The following SULT1C3 variants were observed in gnomAD, a reference collection of about 807,000 sequenced individuals.
SULT1C3 encodes sulfotransferase family 1C member 3, also known as sulfotransferase 1C3.
In SULT1C3, 31 loss-of-function variants were observed where a neutral mutation model predicts 28.4. The observed-to-expected ratio is 1.09, with a 90% confidence interval of 0.82 to 1.47. The LOEUF (loss-of-function observed/expected upper bound fraction) is 1.47, where lower values mean the gene tolerates loss of function less well. Ranked by LOEUF, SULT1C3 falls within the 40% of genes most tolerant of loss-of-function variation. The pLI, the probability that SULT1C3 is intolerant of heterozygous loss-of-function variation, is 0.00. For synonymous variants in SULT1C3, 106 were observed against 92.2 expected (o/e 1.15, Z -0.86); for missense variants, 307 against 272.5 (o/e 1.13, Z -0.89).
rs1197436192 is a variant in SULT1C3, at chr2:108,252,396, G to C, written c.204G>C (p.Met68Ile). 1.2e-6 allele frequency: 2 copies of C among 1,610,754 alleles called. No homozygotes were observed. Among genetic ancestry groups the C allele is most frequent in the Non-Finnish European group, 1.7e-6 (2 of 1,178,102 alleles). Residue 68 changes from methionine to isoleucine, a missense_variant, in exon 3 of 8, where the codon ATG becomes ATC. Met to Ile is a conservative substitution (Grantham distance 10). Coordinates refer to ENST00000681802, the MANE Select transcript of SULT1C3 (RefSeq NM_001320878.2). ...CATGGATGCATGAAATTTTAGACAT[G>C]ATTCTAAATGATGGTGATGTGGAGA... Reference protein sequence around the residue: ...GTTWMHEILDMILNDGDVEKC... With the variant: ...GTTWMHEILDIILNDGDVEKC...
chr2:108,241,926 CA>C lies in SULT1C3; in HGVS notation c.-8+1862del, dbSNP rs201006604. 6.9e-3 allele frequency among the ~76,000 whole-genome samples: 701 copies of C among 101,036 alleles called. 4 individuals carry two copies. Among genetic ancestry groups the C allele is most frequent in the South Asian group, 0.036 (106 of 2,932 alleles). 66.3% of individuals were successfully genotyped at this position (101,036 alleles called of 152,430 possible). On this transcript the variant is annotated intron_variant, in intron 1 of 7. Coordinates refer to ENST00000681802, the MANE Select transcript of SULT1C3 (RefSeq NM_001320878.2). Reference sequence around the variant, plus strand: ...TGGGTGACAAAGTGAGACTCCATCTCAAAAAAAAAAAAAAAAAAATCACTGG... The same window carrying C: ...TGGGTGACAAAGTGAGACTCCATCTCAAAAAAAAAAAAAAAAAATCACTGG...
intron 1 of SULT1C3, among the ~76,000 whole-genome samples, chr2:108,245,473 C>T (rs1675556111): frequency 6.6e-6 from 1 of 152,124 alleles, no homozygotes; most frequent in Non-Finnish European, 1.5e-5. Flanking sequence ...AATCCCTTTA[C>T]TAATTAAGCA....
intron 1 of SULT1C3, among the ~76,000 whole-genome samples, chr2:108,242,639 A>T (rs78137625): frequency 6.6e-6 from 1 of 152,360 alleles, no homozygotes; most frequent in East Asian, 1.9e-4. Flanking sequence ...AGTAATGTGA[A>T]ACCCCCAAAA....
chr2:108,262,011 G>T (rs1345174287), downstream of SULT1C3, among the ~76,000 whole-genome samples: 1 of 152,120 alleles, frequency 6.6e-6, no homozygotes, highest in African/African-American at 2.4e-5. Flanking sequence ...GGACCCTGGG[G>T]TGAAAGTTCC....
chr2:108,243,354 G>A (rs541022359), intron 1 of SULT1C3, among the ~76,000 whole-genome samples: 6 of 152,242 alleles, frequency 3.9e-5, no homozygotes, highest in Admixed American at 6.5e-5. Context: ...TTCCAGGGCC[G>A]GGCGCGGTGG....
At position 108,253,456 on chromosome 2, in the gene SULT1C3, G is replaced by A. The variant is rs1197408969; in HGVS notation, c.399+14G>A. ...GAAAACTGCAAGGTATAAAGAGGGG[G>A]CTTTTCAAACTTCTCTTAGCTTGGT... On this transcript the variant is annotated intron_variant, in intron 4 of 7. Transcript: ENST00000681802. 2 of 1,408,776 alleles carry A rather than the reference G, an allele frequency of 1.4e-6. No individual in the cohort carries two copies. Among genetic ancestry groups the A allele is most frequent in the Non-Finnish European group, 9.5e-7 (1 of 1,053,104 alleles). The allele number at this position is 1,408,776 out of a possible 1,614,324, so 87.3% of individuals were successfully genotyped here. A position where few individuals can be genotyped will look rare whatever the true frequency, so the allele number is the denominator to read the frequency against.
downstream of SULT1C3, among the ~76,000 whole-genome samples, chr2:108,263,265 G>A (rs1169188912): frequency 6.6e-6 from 1 of 152,092 alleles, no homozygotes; most frequent in Non-Finnish European, 1.5e-5. Flanking sequence ...ATTTTGTCAT[G>A]TTGTAAGGCC....
intron 2 of SULT1C3, among the ~76,000 whole-genome samples, chr2:108,248,714 T>C (rs1675653765): frequency 6.6e-6 from 1 of 152,160 alleles, no homozygotes. Flanking sequence ...TGAGAGACTT[T>C]TGTGCTCCAA....
intron 4 of SULT1C3, 82 bp downstream of exon 4, chr2:108,253,524 C>A: frequency 1.4e-6 from 1 of 693,650 alleles, no homozygotes; most frequent in Non-Finnish European, 2.1e-6. Context: ...AAATAATATA[C>A]TTTGAAAAAT....
At chr2:108,248,425 T>C (rs578259713) in intron 2 of SULT1C3, among the ~76,000 whole-genome samples, 1 of 152,274 alleles carries the variant, frequency 6.6e-6, no homozygotes, top group Admixed American at 6.5e-5. Context: ...GAATAGGGTA[T>C]AGTTATAGGG....
At chr2:108,248,428 T>C (rs751005631) in intron 2 of SULT1C3, among the ~76,000 whole-genome samples, 105 of 152,254 alleles carry the variant, frequency 6.9e-4, no homozygotes, top group Non-Finnish European at 1.5e-4. Flanking sequence ...TAGGGTATAG[T>C]TATAGGGTGC....
At chr2:108,246,522 A>T (rs1675583517) in intron 1 of SULT1C3, among the ~76,000 whole-genome samples, 1 of 152,182 alleles carries the variant, frequency 6.6e-6, no homozygotes. Context: ...GGCGAACCAT[A>T]TCAGACCCCA....
chr2:108,259,296 G>T, intron 7 of SULT1C3, 150 bp downstream of exon 7: 1 of 200,294 alleles, frequency 5.0e-6, no homozygotes, highest in Non-Finnish European at 1.1e-5. Flanking sequence ...TTTGCAGACA[G>T]CCAATGTCAG....
rs770034585 is a variant in SULT1C3, at chr2:108,247,228, GA to G, written c.41del (p.Lys14SerfsTer10). ...AKIEKNAPTM[E>X]KKPELFNIME... ...GATTGAGAAAAACGCTCCCACGATGGAAAAAAAGCCAGAACTGTTTAACATC... is the reference window on the plus strand; with the variant it reads ...GATTGAGAAAAACGCTCCCACGATGGAAAAAAGCCAGAACTGTTTAACATC... On this transcript the variant is annotated frameshift_variant, in exon 2 of 8. Transcript: ENST00000681802. LOFTEE classifies it high-confidence loss of function. The G allele has an allele frequency of 2.2e-5, 34 of 1,542,758 alleles. No individual in the cohort carries two copies. The highest frequency in any genetic ancestry group is 9.3e-5 in the East Asian group (4 of 42,886).
chr2:108,264,244 C>T (rs922761689), downstream of SULT1C3, among the ~76,000 whole-genome samples: 1 of 152,156 alleles, frequency 6.6e-6, no homozygotes, highest in East Asian at 1.9e-4. Context: ...GAGATGTCCT[C>T]AGAAATTTAA....
downstream of SULT1C3, chr2:108,264,921 G>T (rs1368602756): frequency 6.2e-7 from 1 of 1,613,932 alleles, no homozygotes; most frequent in Admixed American, 1.7e-5. Context: ...CTCCTTTGAT[G>T]TAATGAAGCA....
At chr2:108,260,422 T>C (rs768874757) in intron 7 of SULT1C3, 146 bp from the exon 8 acceptor site, 2 of 326,606 alleles carry the variant, frequency 6.1e-6, no homozygotes, top group Non-Finnish European at 1.2e-5. Context: ...TGAGGGACCA[T>C]TCATAGTGGA....
intron 1 of SULT1C3, among the ~76,000 whole-genome samples, chr2:108,243,427 C>G (rs892256062): frequency 1.3e-5 from 2 of 151,940 alleles, no homozygotes; most frequent in African/African-American, 4.8e-5. Flanking sequence ...GTCAGGAGAT[C>G]GAGACCACCC....
chr2:108,245,805 G>T (rs1178139885), intron 1 of SULT1C3, among the ~76,000 whole-genome samples: 1 of 152,146 alleles, frequency 6.6e-6, no homozygotes, highest in African/African-American at 2.4e-5. Flanking sequence ...AATTTCTGCA[G>T]CTGGCTTGAA....
Sources: gnomAD v4.1 joint callset for allele counts (sites outside exome capture counted in the v4.1 genomes callset) on GRCh38, gnomAD v4.1.1 for gene constraint, MANE v1.5 for transcripts, NCBI Gene and HGNC (gene_info 2026-07-23, HGNC 2026-07-21) for gene names.